The following CALD1 variants were observed in gnomAD, a reference collection of about 807,000 sequenced individuals.
The protein encoded by CALD1 is caldesmon.
In CALD1, 33 loss-of-function variants were observed where a neutral mutation model predicts 99.9. The observed-to-expected ratio is 0.33, with a 90% CI of 0.25 to 0.44. CALD1 has a LOEUF of 0.44. CALD1 is among the 20% of genes least tolerant of loss of function. The pLI, the probability that CALD1 is intolerant of heterozygous loss-of-function variation, is 1.00. For missense variants in CALD1, 861 were observed against 962.1 expected (o/e 0.89, Z 1.39); for synonymous variants, 310 against 325.0 (o/e 0.95, Z 0.50).
At chr7:134,884,368 C>G (rs1032028652) in intron 3 of CALD1, among the ~76,000 whole-genome samples, 2 of 152,110 alleles carry the variant, frequency 1.3e-5, no homozygotes, top group Non-Finnish European at 2.9e-5. Flanking sequence ...ATGATTTCAC[C>G]CCGCTTTGCT....
rs143692142 is a variant in CALD1, at chr7:134,762,540, G to A, written c.-130+18177G>A. ...AGAAAAGAGGTTTAATTGGCTCACG[G>A]TTTCACTGGCTGTACAGGAAGCATG... is the stretch of plus-strand genomic sequence containing the variant. On this transcript the variant is annotated intron_variant, in intron 1 of 13. Coordinates refer to the CALD1 transcript ENST00000417172. Among the ~76,000 whole-genome samples, 820 of 152,290 alleles carry A rather than the reference G, an allele frequency of 5.4e-3. 6 individuals carry two copies. Among genetic ancestry groups the A allele is most frequent in the Non-Finnish European group, 5.5e-3 (377 of 68,020 alleles).
chr7:134,805,784 TTC>T (rs936833793), intron 1 of CALD1, among the ~76,000 whole-genome samples: 17 of 152,304 alleles, frequency 1.1e-4, no homozygotes, highest in Admixed American at 1.1e-3. Flanking sequence ...TCCAAAGATT[TTC>T]TTTTTGCTCT....
intron 9 of CALD1, among the ~76,000 whole-genome samples, chr7:134,953,966 A>G (rs1266337280): frequency 6.6e-6 from 1 of 152,208 alleles, no homozygotes; most frequent in South Asian, 2.1e-4. Flanking sequence ...TGTGCCTTGA[A>G]GAACTTGCTG....
At chr7:134,741,811 G>T (rs984783235), upstream of CALD1, among the ~76,000 whole-genome samples, 1 of 152,138 alleles carries the variant, frequency 6.6e-6, no homozygotes, top group Non-Finnish European at 1.5e-5. Flanking sequence ...GGCAAGTTAA[G>T]AGATGAGGAA....
intron 3 of CALD1, among the ~76,000 whole-genome samples, chr7:134,909,719 G>A (rs1223723420): frequency 6.6e-6 from 1 of 152,150 alleles, no homozygotes; most frequent in African/African-American, 2.4e-5. Context: ...GTTTGGAAGT[G>A]CAGACTGAGC....
intron 2 of CALD1, among the ~76,000 whole-genome samples, chr7:134,854,803 G>A (rs2132241713): frequency 6.6e-6 from 1 of 152,292 alleles, no homozygotes; most frequent in Non-Finnish European, 1.5e-5. Flanking sequence ...TAAAGGCAGT[G>A]TGATATGGTT....
At chr7:134,903,657 C>T (rs1387114112) in intron 3 of CALD1, among the ~76,000 whole-genome samples, 5 of 152,036 alleles carry the variant, frequency 3.3e-5, no homozygotes, top group African/African-American at 7.3e-5. Flanking sequence ...CTCTTCTTAG[C>T]GTCTGCCCTC....
At chr7:134,922,720 A>G (rs1804706681) in intron 3 of CALD1, among the ~76,000 whole-genome samples, 1 of 152,188 alleles carries the variant, frequency 6.6e-6, no homozygotes, top group Non-Finnish European at 1.5e-5. Context: ...GCCCTTCCAA[A>G]TGTAATAACA....
chr7:134,848,418 CA>C (rs1335820488), intron 2 of CALD1, among the ~76,000 whole-genome samples: 1 of 152,122 alleles, frequency 6.6e-6, no homozygotes, highest in Non-Finnish European at 1.5e-5. Context: ...GTTTTACTGA[CA>C]GGGGAAAAGG....
chr7:134,866,180 G>A (rs1800793722), intron 2 of CALD1, among the ~76,000 whole-genome samples: 1 of 152,110 alleles, frequency 6.6e-6, no homozygotes. Context: ...CCCTCTTAGG[G>A]AACTCTCAAA....
intron 3 of CALD1, among the ~76,000 whole-genome samples, chr7:134,895,384 A>G (rs1393704330): frequency 1.3e-5 from 2 of 151,548 alleles, no homozygotes; most frequent in African/African-American, 2.4e-5. Context: ...TAAAGCAGAT[A>G]TTACAACACA....
rs193028274 is a variant in CALD1 at position 134,889,970 on chromosome 7, G to A, written c.71+22166G>A. On this transcript the variant is annotated intron_variant, in intron 3 of 14. Transcript: ENST00000361675. Reference sequence around the variant, plus strand: ...GTCGCTCAGGTTGGAGTGCAGTGGCGCCATCTCAGCTCACTGCAACCTCCG... The same window carrying A: ...GTCGCTCAGGTTGGAGTGCAGTGGCACCATCTCAGCTCACTGCAACCTCCG... Among the ~76,000 whole-genome samples, 86 of 152,138 alleles carry A rather than the reference G, an allele frequency of 5.7e-4. 1 individual carries two copies. Among genetic ancestry groups the A allele is most frequent in the African/African-American group, 1.7e-3 (70 of 41,518 alleles).
At chr7:134,727,566 A>G in the CALD1 span, among the ~76,000 whole-genome samples, 1 of 152,252 alleles carries the variant, frequency 6.6e-6, no homozygotes, top group African/African-American at 2.4e-5. Context: ...ATTTTTAAAA[A>G]GTAGCTTGAA....
At chr7:134,758,726 G>C (rs765446953) in intron 1 of CALD1, among the ~76,000 whole-genome samples, 3 of 152,032 alleles carry the variant, frequency 2.0e-5, no homozygotes, top group Admixed American at 1.3e-4. Context: ...TTCCTCAAAG[G>C]GATGCTGGGA....
intron 11 of CALD1, among the ~76,000 whole-genome samples, chr7:134,959,308 C>T (rs906864263): frequency 1.3e-5 from 2 of 151,846 alleles, no homozygotes; most frequent in Non-Finnish European, 2.9e-5. Context: ...AGCCTCCCAA[C>T]CGTCTTGTTT....
chr7:134,830,872 A>C (rs1430777176), intron 1 of CALD1, among the ~76,000 whole-genome samples: 1 of 152,144 alleles, frequency 6.6e-6, no homozygotes, highest in African/African-American at 2.4e-5. Flanking sequence ...AAATATTCCA[A>C]CTTCTCCAGT....
At chr7:134,916,318 A>G (rs2132753461) in intron 3 of CALD1, among the ~76,000 whole-genome samples, 1 of 152,306 alleles carries the variant, frequency 6.6e-6, no homozygotes, top group East Asian at 1.9e-4. Context: ...TGTCTGAAGA[A>G]GAGATGAGGG....
upstream of CALD1, among the ~76,000 whole-genome samples, chr7:134,775,063 TTC>T (rs1416264698): frequency 3.9e-5 from 6 of 152,164 alleles, no homozygotes; most frequent in African/African-American, 1.2e-4. Context: ...TTCTAATCAT[TTC>T]TGTTTGTTTT....
chr7:134,726,983 A>C, the CALD1 span, among the ~76,000 whole-genome samples: 110,381 of 152,054 alleles, frequency 0.73, 41,438 homozygotes, highest in East Asian at 0.99. Context: ...CAACCTCCAG[A>C]AATGTTCCTC....
Sources: gnomAD v4.1 joint callset for allele counts (sites outside exome capture counted in the v4.1 genomes callset) on GRCh38, gnomAD v4.1.1 for gene constraint, MANE v1.5 for transcripts, NCBI Gene and HGNC (gene_info 2026-07-23, HGNC 2026-07-21) for gene names.